LARP4B: variants seen among roughly 807,000 people sequenced by gnomAD.
LARP4B encodes the protein la-related protein 4B.
A neutral mutation model predicts 89.8 loss-of-function variants in LARP4B; 12 were observed. The ratio of observed to expected loss-of-function variants is 0.13; its 90% CI spans 0.09 to 0.22. The LOEUF is 0.22. Ranked by LOEUF, LARP4B falls within the 10% of genes least tolerant of loss-of-function variation. LARP4B has a pLI of 1.00. For missense variants in LARP4B, 757 were observed against 947.7 expected, an observed-to-expected ratio of 0.80 and a Z score of 2.64; for synonymous variants, 367 against 363.3, an observed-to-expected ratio of 1.01 and a Z score of -0.12.
At chr10:912,597 C>T (rs1026905899) in intron 1 of LARP4B, among the ~76,000 whole-genome samples, 5 of 151,278 alleles carry the variant, frequency 3.3e-5, no homozygotes, top group Admixed American at 1.3e-4. Flanking sequence ...TATGGCCGAG[C>T]GCATTGGCTC....
chr10:988,111 C>T, the LARP4B span: 1 of 212,836 alleles, frequency 4.7e-6, no homozygotes, highest in African/African-American at 2.3e-5. Flanking sequence ...AATCCCAAGA[C>T]CCCGGACCCT....
chr10:932,191 CCT>C (rs1830651643), upstream of LARP4B, among the ~76,000 whole-genome samples: 1 of 149,684 alleles, frequency 6.7e-6, no homozygotes. Flanking sequence ...GCCCCGAACC[CCT>C]CATCCCACCC....
chr10:971,609 C>T, the LARP4B span: 1 of 152,120 alleles, frequency 6.6e-6, no homozygotes, highest in African/African-American at 2.4e-5. Context: ...GAGGAACTCT[C>T]CTGCTAATAA....
chr10:891,886 C>CA (rs1310602987), intron 1 of LARP4B, among the ~76,000 whole-genome samples: 1 of 152,062 alleles, frequency 6.6e-6, no homozygotes, highest in Non-Finnish European at 1.5e-5. Flanking sequence ...TTTAACTTAC[C>CA]TAATGTGTGA....
chr10:907,758 T>C (rs1478917642), intron 1 of LARP4B, among the ~76,000 whole-genome samples: 1 of 152,182 alleles, frequency 6.6e-6, no homozygotes, highest in Non-Finnish European at 1.5e-5. Context: ...CTAAGGTGTT[T>C]TCAGGATGGG....
At chr10:910,302 C>T (rs1164771976) in intron 1 of LARP4B, among the ~76,000 whole-genome samples, 1 of 152,184 alleles carries the variant, frequency 6.6e-6, no homozygotes, top group Non-Finnish European at 1.5e-5. Flanking sequence ...GGGCTGCAAT[C>T]CTCAGGCTTG....
At chr10:974,654 C>T in the LARP4B span, among the ~76,000 whole-genome samples, 37 of 152,336 alleles carry the variant, frequency 2.4e-4, 1 homozygote, top group Admixed American at 5.2e-4. Flanking sequence ...AGAAATGAGG[C>T]CAGGCCACTG....
At chr10:946,755 T>A in the LARP4B span, among the ~76,000 whole-genome samples, 1 of 152,224 alleles carries the variant, frequency 6.6e-6, no homozygotes, top group Admixed American at 6.5e-5. Context: ...TCTTACAAGT[T>A]CACCTCCCTC....
intron 1 of LARP4B, among the ~76,000 whole-genome samples, chr10:919,118 C>A (rs1459080318): frequency 1.3e-5 from 2 of 152,090 alleles, no homozygotes; most frequent in East Asian, 3.8e-4. Flanking sequence ...ACTATTAATA[C>A]TTTGTTTAAC....
At chr10:937,084 C>T in the LARP4B span, among the ~76,000 whole-genome samples, 2 of 152,092 alleles carry the variant, frequency 1.3e-5, no homozygotes, top group African/African-American at 4.8e-5. Flanking sequence ...GCTCTGTCGC[C>T]CAGGCTGGAG....
chr10:932,216 C>T (rs1331694328), upstream of LARP4B, among the ~76,000 whole-genome samples: 3 of 143,224 alleles, frequency 2.1e-5, no homozygotes, highest in Non-Finnish European at 3.0e-5. Context: ...AGGACCCAGG[C>T]CCCGACCCTG....
intron 2 of LARP4B, 62 bp downstream of exon 2, chr10:885,579 A>G (rs1221607436): frequency 1.1e-5 from 14 of 1,233,590 alleles, no homozygotes; most frequent in Non-Finnish European, 1.5e-5. Context: ...ACTAACTCCA[A>G]TATAGAGTCC....
intron 3 of LARP4B, among the ~76,000 whole-genome samples, chr10:867,352 G>C (rs1834953716): frequency 6.6e-6 from 1 of 152,216 alleles, no homozygotes; most frequent in African/African-American, 2.4e-5. Context: ...AACCAAGGCA[G>C]AGAAAGGTAG....
intron 1 of LARP4B, among the ~76,000 whole-genome samples, chr10:920,714 G>A (rs1310184485): frequency 6.6e-6 from 1 of 152,120 alleles, no homozygotes; most frequent in East Asian, 1.9e-4. Flanking sequence ...GATGATTGCA[G>A]TGAGCCAAGA....
At chr10:904,022 T>TAATCTGAA (rs1836417001) in intron 1 of LARP4B, among the ~76,000 whole-genome samples, 1 of 152,190 alleles carries the variant, frequency 6.6e-6, no homozygotes, top group South Asian at 2.1e-4. Flanking sequence ...TGAGCAGCAC[T>TAATCTGAA]AATCTGAAAA....
upstream of LARP4B, among the ~76,000 whole-genome samples, chr10:932,021 G>A (rs1830641805): frequency 7.0e-6 from 1 of 143,764 alleles, no homozygotes; most frequent in East Asian, 2.3e-4. Context: ...CGACCGGAGC[G>A]CCTGACGCTG....
At chr10:870,364 T>C (rs973941644) in intron 3 of LARP4B, among the ~76,000 whole-genome samples, 1 of 152,114 alleles carries the variant, frequency 6.6e-6, no homozygotes, top group Non-Finnish European at 1.5e-5. Context: ...CTTCTGTGAG[T>C]GATAAAATGT....
chr10:948,203 G>A, the LARP4B span, among the ~76,000 whole-genome samples: 1 of 152,094 alleles, frequency 6.6e-6, no homozygotes, highest in African/African-American at 2.4e-5. Context: ...CACGCTGCCT[G>A]GTTTTTAAAA....
intron 3 of LARP4B, among the ~76,000 whole-genome samples, chr10:872,200 G>A (rs1040034615): frequency 2.6e-5 from 4 of 152,220 alleles, no homozygotes; most frequent in Admixed American, 2.0e-4. Context: ...CCATCTGCAC[G>A]TTATCAGTGT....
Sources: gnomAD v4.1 joint callset for allele counts (sites outside exome capture counted in the v4.1 genomes callset) on GRCh38, gnomAD v4.1.1 for gene constraint, MANE v1.5 for transcripts, NCBI Gene and HGNC (gene_info 2026-07-23, HGNC 2026-07-21) for gene names.